Variants in TTLL11 observed in about 807,000 individuals in gnomAD.
The protein encoded by TTLL11 is tubulin polyglutamylase TTLL11.
A neutral mutation model predicts 51.7 loss-of-function variants in TTLL11; 42 were observed. The ratio of observed to expected loss-of-function variants is 0.81; its 90% CI spans 0.64 to 1.05. The LOEUF is 1.05. Ranked by LOEUF, TTLL11 falls within the 50% of genes least tolerant of loss-of-function variation. The probability of loss-of-function intolerance (pLI) is 0.00; values close to 1 mark genes in which losing one functional copy is unlikely to be tolerated. For missense variants in TTLL11, 799 were observed against 940.4 expected, an observed-to-expected ratio of 0.85 and a Z score of 1.97; for synonymous variants, 381 against 383.5, an observed-to-expected ratio of 0.99 and a Z score of 0.08.
intron 6 of TTLL11, among the ~76,000 whole-genome samples, chr9:121,941,019 C>G (rs7869913): frequency 6.6e-6 from 1 of 152,010 alleles, no homozygotes; most frequent in Non-Finnish European, 1.5e-5. Flanking sequence ...AAAACTAACA[C>G]GTTTAAGATT....
At chr9:122,029,479 T>A (rs1014558134) in intron 3 of TTLL11, among the ~76,000 whole-genome samples, 2 of 152,184 alleles carry the variant, frequency 1.3e-5, no homozygotes, top group African/African-American at 4.8e-5. Context: ...TATGTGTTTG[T>A]GTCTTGGTTT....
rs193003683 is a variant in TTLL11 at position 121,991,290 on chromosome 9, G to T, written c.694-1520C>A. On this transcript the variant is annotated intron_variant, in intron 3 of 8. Coordinates refer to ENST00000321582, the MANE Select transcript of TTLL11 (RefSeq NM_001139442.2). The stretch of plus-strand genomic sequence containing the variant: ...TATCACTTATTCTGGGCTTGTAAAA[G>T]ATCTTTAACAATGGAGAAACACTTA... 2.0e-5 allele frequency among the ~76,000 whole-genome samples: 3 copies of T among 152,316 alleles called. 1 individual carries two copies. The highest frequency in any genetic ancestry group is 2.0e-4 in the Admixed American group (3 of 15,302).
intron 1 of TTLL11, among the ~76,000 whole-genome samples, chr9:122,065,322 T>TA (rs1845552011): frequency 6.6e-6 from 1 of 152,086 alleles, no homozygotes; most frequent in Admixed American, 6.5e-5. Context: ...GGGTAAAAAA[T>TA]AAAAACCTCT....
chr9:121,927,268 A>G (rs750953084), intron 6 of TTLL11, among the ~76,000 whole-genome samples: 8 of 152,268 alleles, frequency 5.3e-5, no homozygotes, highest in Non-Finnish European at 8.8e-5. Context: ...CTCTCAGCAC[A>G]GCATCTGACA....
At chr9:122,082,087 C>T (rs2131921405) in intron 1 of TTLL11, among the ~76,000 whole-genome samples, 1 of 152,330 alleles carries the variant, frequency 6.6e-6, no homozygotes, top group South Asian at 2.1e-4. Context: ...CAAAAACAGG[C>T]AGTCTCAAAC....
rs533882756 is a variant in TTLL11, at chr9:122,090,115, T to C, written c.462+2572A>G. On this transcript the variant is annotated intron_variant, in intron 1 of 8. Transcript: ENST00000321582. ...GGGTGACCAGTGCAACAGTCTCATG[T>C]AGATCAACATTACCATTATGCGGCT... Among the ~76,000 whole-genome samples the C allele has an allele frequency of 8.6e-5, 12 of 139,590 alleles. No individual in the cohort carries two copies. The East Asian group carries it at 2.5e-3, about 29-fold the overall frequency. The allele number at this position is 139,590 out of a possible 152,430, so 91.6% of individuals were successfully genotyped here.
Position 121,997,949 on chromosome 9 carries a change from G to A in TTLL11, c.694-8179C>T, listed in dbSNP as rs180772858. Among the ~76,000 whole-genome samples, 864 of 152,148 alleles carry A rather than the reference G, an allele frequency of 5.7e-3. 12 individuals are homozygous for A. Among genetic ancestry groups the A allele is most frequent in the African/African-American group, 0.02 (833 of 41,494 alleles). On this transcript the variant is annotated intron_variant, in intron 3 of 8. Coordinates refer to ENST00000321582, the MANE Select transcript of TTLL11 (RefSeq NM_001139442.2). ...CAGAGTCCAGCCCACAGCCTGCCTC[G>A]TCTCCCTGGCCCACAGCCTCATTCT... is the stretch of plus-strand genomic sequence containing the variant.
intron 6 of TTLL11, among the ~76,000 whole-genome samples, chr9:121,931,751 G>C (rs919692703): frequency 7.9e-5 from 12 of 152,156 alleles, no homozygotes; most frequent in South Asian, 2.1e-4. Flanking sequence ...TGTCCCAGCA[G>C]ACTAGCCTCC....
intron 6 of TTLL11, among the ~76,000 whole-genome samples, chr9:121,894,122 G>C (rs1839362345): frequency 6.6e-6 from 1 of 152,190 alleles, no homozygotes; most frequent in Non-Finnish European, 1.5e-5. Context: ...TATATGCCAA[G>C]CACTGGGCAC....
At chr9:121,826,984 C>T (rs560753059) in intron 8 of TTLL11, among the ~76,000 whole-genome samples, 4 of 152,114 alleles carry the variant, frequency 2.6e-5, no homozygotes, top group Non-Finnish European at 5.9e-5. Flanking sequence ...CACCGGTGGT[C>T]ACTGTGGGGC....
intron 6 of TTLL11, among the ~76,000 whole-genome samples, chr9:121,958,614 C>T (rs1194117878): frequency 2.6e-5 from 4 of 152,142 alleles, no homozygotes; most frequent in Admixed American, 2.6e-4. Flanking sequence ...TAGATTTGGA[C>T]ACAGGTAACC....
intron 6 of TTLL11, among the ~76,000 whole-genome samples, chr9:121,958,200 A>G (rs1842082194): frequency 6.6e-6 from 1 of 152,198 alleles, no homozygotes; most frequent in African/African-American, 2.4e-5. Flanking sequence ...CTGAATGGCT[A>G]TTTAGCCTTG....
chr9:121,870,851 ATT>A, intron 6 of TTLL11, 103 bp from the exon 7 acceptor site: 1 of 1,309,956 alleles, frequency 7.6e-7, no homozygotes. Context: ...AGCATTTTTT[ATT>A]TTACAGACAG....
chr9:122,037,889 CT>C (rs2131821590), intron 2 of TTLL11, among the ~76,000 whole-genome samples: 1 of 152,290 alleles, frequency 6.6e-6, no homozygotes, highest in South Asian at 2.1e-4. Flanking sequence ...GTGAAAACCC[CT>C]AGTGGATGTG....
chr9:122,043,744 G>A (rs564316696), intron 1 of TTLL11, among the ~76,000 whole-genome samples: 2 of 152,100 alleles, frequency 1.3e-5, no homozygotes, highest in Admixed American at 6.5e-5. Context: ...TTCATCAAAA[G>A]ACACTATGAA....
At chr9:121,889,185 C>A (rs1839127926) in intron 6 of TTLL11, among the ~76,000 whole-genome samples, 1 of 151,846 alleles carries the variant, frequency 6.6e-6, no homozygotes, top group African/African-American at 2.4e-5. Context: ...AAAATAGGCC[C>A]AGAGAAGTGA....
At chr9:121,938,288 C>A (rs1466918274) in intron 6 of TTLL11, among the ~76,000 whole-genome samples, 43 of 133,660 alleles carry the variant, frequency 3.2e-4, no homozygotes, top group South Asian at 9.5e-4. Flanking sequence ...GACGCTGTCT[C>A]AAAAAGAAAA....
intron 1 of TTLL11, among the ~76,000 whole-genome samples, chr9:122,044,918 G>T (rs2131835926): frequency 6.6e-6 from 1 of 151,600 alleles, no homozygotes; most frequent in Non-Finnish European, 1.5e-5. Context: ...ACATAGCAGG[G>T]CCCCCATCTA....
Position 121,989,684 on chromosome 9 carries a change from G to C in TTLL11, c.780C>G (p.Tyr260Ter). Residue 260 changes from tyrosine (Y) to a stop codon, truncating the protein, a stop_gained, in exon 4 of 9, where the codon TAC becomes TAG. Coordinates refer to ENST00000321582, the MANE Select transcript of TTLL11 (RefSeq NM_001139442.2). LOFTEE classifies it high-confidence loss of function. The surrounding 1 kb of genome is among the most constrained non-coding windows in gnomAD (Gnocchi z 4.2). Reference protein sequence around the residue: ...PDGGCQGDGIYLIKDPSDIRL... With the variant: ...PDGGCQGDGI ...GGATGTCACTGGGGTCTTTAATGAG[G>C]TAGATTCCATCACCCTGACAACCAC... The C allele has an allele frequency of 6.2e-7, 1 of 1,614,088 alleles. No homozygotes were observed. The highest frequency in any genetic ancestry group is 1.3e-5 in the African/African-American group (1 of 75,034).
Sources: allele counts gnomAD v4.1 joint callset (sites outside exome capture counted in the v4.1 genomes callset), GRCh38; gene constraint gnomAD v4.1.1; non-coding constraint Gnocchi (gnomAD v3.1); transcripts MANE v1.5; gene names NCBI Gene and HGNC (gene_info 2026-07-23, HGNC 2026-07-21).